SEMA3A: variants seen among roughly 807,000 people sequenced by gnomAD.
SEMA3A encodes the protein semaphorin 3A.
In SEMA3A, 29 loss-of-function variants were observed where a neutral mutation model predicts 97.9. The observed-to-expected ratio is 0.30, with a 90% CI of 0.22 to 0.40. The LOEUF (loss-of-function observed/expected upper bound fraction) is 0.40, where lower values mean the gene tolerates loss of function less well. Ranked by LOEUF, SEMA3A falls within the 10% of genes least tolerant of loss-of-function variation. SEMA3A has a pLI of 1.00. For synonymous variants in SEMA3A, 321 were observed against 323.7 expected, an observed-to-expected ratio of 0.99 and a Z score of 0.09; for missense variants, 763 against 951.3, an observed-to-expected ratio of 0.80 and a Z score of 2.60.
Position 83,961,714 on chromosome 7 carries a change from T to C in SEMA3A, c.1973A>G (p.Gln658Arg). ...TTCCAGGGTTACCTTAAGAAGAGTT[T>C]GTATGAACCCATGTTCCACCGCATG... is the stretch of plus-strand genomic sequence containing the variant. ...LCHAVEHGFI[Q>R]TLLKVTLEVI... The change falls in exon 17 of 17, where the codon CAA becomes CGA. Residue 658 changes from glutamine (Q) to arginine (R), a missense_variant. Gln to Arg is a conservative substitution (Grantham distance 43, BLOSUM62 1). Coordinates refer to ENST00000265362, the MANE Select transcript of SEMA3A (RefSeq NM_006080.3). 6.2e-7 allele frequency: 1 copy of C among 1,613,710 alleles called. No individual in the cohort carries two copies. Among genetic ancestry groups the C allele is most frequent in the Non-Finnish European group, 8.5e-7 (1 of 1,179,866 alleles).
intron 3 of SEMA3A, among the ~76,000 whole-genome samples, chr7:84,245,608 C>T (rs756558065): frequency 7.9e-5 from 12 of 151,644 alleles, no homozygotes; most frequent in East Asian, 2.0e-4. Flanking sequence ...ATAGTCAGGC[C>T]CCTCTGCTGC....
At chr7:84,354,010 T>C (rs1424839285) in intron 2 of SEMA3A, among the ~76,000 whole-genome samples, 2 of 151,670 alleles carry the variant, frequency 1.3e-5, no homozygotes, top group East Asian at 3.9e-4. Flanking sequence ...TCTGAAGTCA[T>C]ATACTGTAAG....
At chr7:84,257,727 C>T (rs1379213286) in intron 3 of SEMA3A, among the ~76,000 whole-genome samples, 4 of 152,016 alleles carry the variant, frequency 2.6e-5, no homozygotes, top group African/African-American at 7.2e-5. Context: ...CAATAAAGAC[C>T]CAGAATGAAA....
chr7:84,091,789 G>A (rs1043962462), intron 4 of SEMA3A, among the ~76,000 whole-genome samples: 3 of 152,168 alleles, frequency 2.0e-5, no homozygotes, highest in Non-Finnish European at 2.9e-5. Flanking sequence ...AACCGTGAGT[G>A]AAGAGTTTAA....
chr7:84,312,068 AC>A (rs1241286901), intron 2 of SEMA3A, among the ~76,000 whole-genome samples: 1 of 151,844 alleles, frequency 6.6e-6, no homozygotes, highest in African/African-American at 2.4e-5. Flanking sequence ...TGCCTCTAAC[AC>A]AGGCTGAAAA....
At chr7:84,100,762 C>T (rs1417379575) in intron 4 of SEMA3A, among the ~76,000 whole-genome samples, 1 of 152,156 alleles carries the variant, frequency 6.6e-6, no homozygotes, top group Non-Finnish European at 1.5e-5. Context: ...CAAATTGCTT[C>T]CAAGGTCATC....
rs368698830 is a variant in SEMA3A, at chr7:84,067,052, T to C, written c.454-6494A>G. ...CAAGGCTACAGTAACCAAAACAGCATGGTACTGCTACCAAAACAGAGATAT... is the reference window on the plus strand; with the variant it reads ...CAAGGCTACAGTAACCAAAACAGCACGGTACTGCTACCAAAACAGAGATAT... On this transcript the variant is annotated intron_variant, in intron 4 of 16. Coordinates refer to ENST00000265362, the MANE Select transcript of SEMA3A (RefSeq NM_006080.3). Among the ~76,000 whole-genome samples, 195 of 152,236 alleles carry C rather than the reference T, an allele frequency of 1.3e-3. 1 individual carries two copies. In the East Asian group the frequency reaches 0.015, roughly 12 times the overall value.
intron 11 of SEMA3A, 129 bp downstream of exon 11, chr7:84,005,210 G>A: frequency 1.5e-6 from 1 of 668,812 alleles, no homozygotes. Flanking sequence ...GAAATCAAAA[G>A]TTAGTTATAT....
chr7:84,439,252 A>T (rs979060848), intron 1 of SEMA3A, among the ~76,000 whole-genome samples: 8 of 152,098 alleles, frequency 5.3e-5, no homozygotes, highest in African/African-American at 1.9e-4. Flanking sequence ...GAATATGCAC[A>T]TAGCCTCCCA....
chr7:84,045,595 T>C (rs957325665), intron 6 of SEMA3A, among the ~76,000 whole-genome samples: 19 of 151,976 alleles, frequency 1.3e-4, no homozygotes, highest in Admixed American at 5.3e-4. Context: ...TTATTTATTT[T>C]AGGTATATAC....
chr7:84,239,175 G>A (rs1258221181), intron 3 of SEMA3A, among the ~76,000 whole-genome samples: 1 of 152,116 alleles, frequency 6.6e-6, no homozygotes, highest in African/African-American at 2.4e-5. Context: ...TCATGATTGT[G>A]CAACTGTGAA....
chr7:84,091,651 T>C (rs2115854797), intron 4 of SEMA3A, among the ~76,000 whole-genome samples: 1 of 152,310 alleles, frequency 6.6e-6, no homozygotes, highest in Non-Finnish European at 1.5e-5. Context: ...ACACTGTGGA[T>C]AATCCAAAGT....
intron 4 of SEMA3A, among the ~76,000 whole-genome samples, chr7:84,091,163 G>A (rs201316883): frequency 0.016 from 413 of 25,594 alleles, 3 homozygotes; most frequent in African/African-American, 0.043. Context: ...AAGGAAGGAA[G>A]GAAGGAAAGA....
chr7:84,134,457 A>C (rs1412341256), intron 2 of SEMA3A, among the ~76,000 whole-genome samples: 1 of 152,214 alleles, frequency 6.6e-6, no homozygotes, highest in East Asian at 1.9e-4. Context: ...ATAAATTTAT[A>C]CCTACACACA....
chr7:84,351,255 C>T (rs1156781089), intron 2 of SEMA3A, among the ~76,000 whole-genome samples: 1 of 152,112 alleles, frequency 6.6e-6, no homozygotes, highest in Non-Finnish European at 1.5e-5. Flanking sequence ...TCATAACATC[C>T]TTTTCCTCAT....
At chr7:84,266,965 C>T (rs866569127) in intron 3 of SEMA3A, among the ~76,000 whole-genome samples, 21 of 152,044 alleles carry the variant, frequency 1.4e-4, no homozygotes, top group African/African-American at 4.8e-4. Flanking sequence ...TTTTTTAATA[C>T]TTTGCATTAA....
At chr7:84,022,627 C>T (rs931667341) in intron 6 of SEMA3A, among the ~76,000 whole-genome samples, 6 of 152,142 alleles carry the variant, frequency 3.9e-5, no homozygotes, top group African/African-American at 1.2e-4. Context: ...AGATTTCTTG[C>T]TTTGTGAAGC....
intron 3 of SEMA3A, among the ~76,000 whole-genome samples, chr7:84,120,723 G>C (rs183641405): frequency 6.6e-6 from 1 of 152,270 alleles, no homozygotes; most frequent in African/African-American, 2.4e-5. Context: ...TATGCAGAGT[G>C]TCCACATAAA....
intron 3 of SEMA3A, among the ~76,000 whole-genome samples, chr7:84,251,361 G>T (rs1799604591): frequency 6.6e-6 from 1 of 152,180 alleles, no homozygotes; most frequent in South Asian, 2.1e-4. Flanking sequence ...GGAGCCAGGA[G>T]AGCTGATTTA....
Sources: gnomAD v4.1 joint callset for allele counts (sites outside exome capture counted in the v4.1 genomes callset) on GRCh38, gnomAD v4.1.1 for gene constraint, MANE v1.5 for transcripts, NCBI Gene and HGNC (gene_info 2026-07-23, HGNC 2026-07-21) for gene names.